Variants in MICAL2 observed in about 807,000 individuals in gnomAD.
MICAL2 encodes the protein [F-actin]-monooxygenase MICAL2.
A neutral mutation model predicts 127.3 loss-of-function variants in MICAL2; 77 were observed. The ratio of observed to expected loss-of-function variants is 0.60; its 90% CI spans 0.50 to 0.73. The LOEUF is 0.73. Among genes scored for constraint, MICAL2 ranks in the 30% least tolerant of loss-of-function variants. The pLI is 0.00. For missense variants in MICAL2, 1,351 were observed against 1,434.4 expected, an observed-to-expected ratio of 0.94 and a Z score of 0.94; for synonymous variants, 570 against 551.1, an observed-to-expected ratio of 1.03 and a Z score of -0.48.
chr11:12,326,447 T>A (rs949905128), intron 31 of MICAL2, among the ~76,000 whole-genome samples: 2 of 152,130 alleles, frequency 1.3e-5, no homozygotes, highest in South Asian at 4.1e-4. Flanking sequence ...TAAATGCAAA[T>A]AAAGTCATGA....
chr11:12,308,560 A>G (rs535137359), intron 29 of MICAL2, among the ~76,000 whole-genome samples: 7 of 152,200 alleles, frequency 4.6e-5, no homozygotes, highest in African/African-American at 1.7e-4. Flanking sequence ...TTTGCTTTTA[A>G]ATTGTTCCTC....
chr11:12,244,059 C>T lies in MICAL2; in HGVS notation c.2731C>T (p.Pro911Ser). The T allele has an allele frequency of 6.2e-7, 1 of 1,614,184 alleles. No individual in the cohort carries two copies. The highest frequency in any genetic ancestry group is 8.5e-7 in the Non-Finnish European group (1 of 1,179,994). Reference protein sequence around the residue: ...SPPSRLPSPDPAASSSPSTVD... With the variant: ...SPPSRLPSPDSAASSSPSTVD... ...TCCCTCTCGCCTTCCGTCTCCTGAT[C>T]CAGCTGCTTCTTCCTCTCCATCAAC... The change falls in exon 21 of 28, where the codon CCA becomes TCA. Residue 911 changes from proline to serine, a missense_variant. Physicochemically the swap from Pro to Ser is moderately conservative, Grantham distance 74. Coordinates refer to ENST00000683283, the MANE Select transcript of MICAL2 (RefSeq NM_001282663.2).
chr11:12,188,046 T>A (rs1294077244), intron 3 of MICAL2, among the ~76,000 whole-genome samples: 1 of 152,206 alleles, frequency 6.6e-6, no homozygotes, highest in Non-Finnish European at 1.5e-5. Context: ...CCCTCCTTTT[T>A]TCTCCAGCTT....
chr11:12,205,682 C>T (rs933720735), intron 4 of MICAL2, among the ~76,000 whole-genome samples: 3 of 152,142 alleles, frequency 2.0e-5, no homozygotes, highest in African/African-American at 4.8e-5. Flanking sequence ...AGTTTTATCT[C>T]CTGTAAAGTG....
chr11:12,231,939 A>G (rs759832483), intron 15 of MICAL2, among the ~76,000 whole-genome samples: 2 of 152,222 alleles, frequency 1.3e-5, no homozygotes, highest in Non-Finnish European at 2.9e-5. Flanking sequence ...GAAGTCAAGC[A>G]GACAAACACA....
intron 1 of MICAL2, among the ~76,000 whole-genome samples, chr11:12,130,033 C>T (rs1851286803): frequency 6.6e-6 from 1 of 152,130 alleles, no homozygotes; most frequent in African/African-American, 2.4e-5. Context: ...TACTTTCACC[C>T]TTTGTTCCCA....
chr11:12,289,578 T>C (rs75936214), downstream of MICAL2, among the ~76,000 whole-genome samples: 2,602 of 147,840 alleles, frequency 0.018, 72 homozygotes, highest in African/African-American at 0.062. Flanking sequence ...TTTTTTTTTT[T>C]TTCTTCTTGA....
At chr11:12,319,358 G>A (rs1864265887) in intron 29 of MICAL2, among the ~76,000 whole-genome samples, 1 of 151,212 alleles carries the variant, frequency 6.6e-6, no homozygotes. Context: ...TTTAATAATA[G>A]ATTTTATCTC....
In MICAL2 at chr11:12,242,302, C is replaced by T; in HGVS notation, c.2426C>T (p.Ala809Val). 5 of 1,614,120 alleles carry T rather than the reference C, an allele frequency of 3.1e-6. No individual in the cohort carries two copies. In the South Asian group the frequency reaches 5.5e-5, roughly 18 times the overall value. The change falls in exon 19 of 28, where the codon GCC becomes GTC. Residue 809 changes from alanine (A) to valine (V), a missense_variant. Physicochemically the swap from Ala to Val is moderately conservative, Grantham distance 64. Transcript: ENST00000683283. ...GAGTGCCTGAGCAGACCTTGGAGAG[C>T]CAGAGCCAAGTCTGACCTACAGCTG... ...GSECLSRPWR[A>V]RAKSDLQLGG...
chr11:12,163,161 G>C (rs2133812497), intron 3 of MICAL2, among the ~76,000 whole-genome samples: 1 of 152,246 alleles, frequency 6.6e-6, no homozygotes, highest in African/African-American at 2.4e-5. Context: ...TTTGGCCATA[G>C]ACAGCATCGG....
intron 32 of MICAL2, among the ~76,000 whole-genome samples, chr11:12,335,402 T>A (rs1055264092): frequency 1.3e-5 from 2 of 151,994 alleles, no homozygotes; most frequent in African/African-American, 4.8e-5. Context: ...ATTCTGTAGG[T>A]TGCCTGTTCA....
In MICAL2 at chr11:12,213,299, A is replaced by G. The variant is rs750144064; in HGVS notation, c.736A>G (p.Thr246Ala). The G allele has an allele frequency of 1.2e-6, 2 of 1,613,348 alleles. No individual in the cohort carries two copies. The highest frequency in any genetic ancestry group is 1.3e-5 in the African/African-American group (1 of 74,926). ...CCGTGGGAAGCTGGCGATTGCCATC[A>G]CCGCCAACTTCATAAACAGAAACAG... ...EFRGKLAIAI[T>A]ANFINRNSTA... The change falls in exon 7 of 28, where the codon ACC (threonine) becomes GCC (alanine). Residue 246 changes from threonine (T) to alanine (A), a missense_variant. Coordinates refer to ENST00000683283, the MANE Select transcript of MICAL2 (RefSeq NM_001282663.2).
intron 32 of MICAL2, among the ~76,000 whole-genome samples, chr11:12,349,367 C>T (rs189753394): frequency 1.1e-3 from 175 of 152,182 alleles, no homozygotes; most frequent in African/African-American, 4.1e-3. Context: ...CCTCTGTGAC[C>T]AAATGTGGCA....
rs563960444 is a variant in MICAL2 at position 12,328,770 on chromosome 11, A to G, written c.5515+1504A>G. 1.1e-4 allele frequency among the ~76,000 whole-genome samples: 16 copies of G among 152,362 alleles called. No individual in the cohort carries two copies. The East Asian group carries it at 2.3e-3, about 22-fold the overall frequency. ...TTACTTGTTACTTAACAAGTGAAAC[A>G]TTAGGATTTCAATTCTTTAAGAGTC... On this transcript the variant is annotated intron_variant, in intron 32 of 34. Coordinates refer to the MICAL2 transcript ENST00000646065.
At chr11:12,172,761 A>T (rs147542920) in intron 3 of MICAL2, among the ~76,000 whole-genome samples, 1 of 151,940 alleles carries the variant, frequency 6.6e-6, no homozygotes, top group Non-Finnish European at 1.5e-5. Flanking sequence ...AATCCCAGGT[A>T]CCACCCAGAA....
chr11:12,293,547 C>T (rs561030330), downstream of MICAL2: 29 of 1,556,312 alleles, frequency 1.9e-5, no homozygotes, highest in East Asian at 3.9e-4. Flanking sequence ...GCTATTTTTG[C>T]CCATCCCATC....
At chr11:12,265,782 A>G (rs1333041408), downstream of MICAL2, among the ~76,000 whole-genome samples, 1 of 152,126 alleles carries the variant, frequency 6.6e-6, no homozygotes, top group Non-Finnish European at 1.5e-5. Context: ...AGCATTTACA[A>G]AAGTATTCCT....
At chr11:12,301,963 T>G (rs1160231950) in intron 29 of MICAL2, among the ~76,000 whole-genome samples, 1 of 152,192 alleles carries the variant, frequency 6.6e-6, no homozygotes, top group East Asian at 1.9e-4. Flanking sequence ...TTAATAAATG[T>G]TCTGAGAACA....
At chr11:12,207,873 C>T (rs929682395) in intron 4 of MICAL2, 150 bp from the exon 5 acceptor site, 1 of 645,878 alleles carries the variant, frequency 1.5e-6, no homozygotes, top group Non-Finnish European at 2.8e-6. Context: ...AAACACAGAG[C>T]TCTTGGTGCA....
Sources: allele counts gnomAD v4.1 joint callset (sites outside exome capture counted in the v4.1 genomes callset), GRCh38; gene constraint gnomAD v4.1.1; transcripts MANE v1.5; gene names NCBI Gene and HGNC (gene_info 2026-07-23, HGNC 2026-07-21).